The following ASPRV1 variants were observed in gnomAD, a reference collection of about 807,000 sequenced individuals.
The protein encoded by ASPRV1 is retroviral-like aspartic protease 1.
ASPRV1 carries 7 observed loss-of-function variants against 11.0 expected under a neutral mutation model. The observed-to-expected ratio is 0.64, with a 90% CI of 0.36 to 1.20. ASPRV1 has a LOEUF of 1.20. ASPRV1 is among the 50% of genes most tolerant of loss of function. ASPRV1 has a pLI of 0.02. For synonymous variants in ASPRV1, 136 were observed against 138.4 expected (o/e 0.98, Z 0.12); for missense variants, 299 against 320.0 (o/e 0.93, Z 0.50).
At chr2:70,060,602 C>A in the ASPRV1 span, among the ~76,000 whole-genome samples, 1 of 152,036 alleles carries the variant, frequency 6.6e-6, no homozygotes, top group Non-Finnish European at 1.5e-5. Context: ...CACCTGAGGT[C>A]AGGAGTTTGA....
the ASPRV1 span, among the ~76,000 whole-genome samples, chr2:70,028,933 C>T: frequency 6.6e-6 from 1 of 150,912 alleles, no homozygotes; most frequent in Non-Finnish European, 1.5e-5. Context: ...CAGAGAGACT[C>T]CGTCTCCAAA....
At chr2:70,052,543 C>A in the ASPRV1 span, among the ~76,000 whole-genome samples, 4 of 152,208 alleles carry the variant, frequency 2.6e-5, no homozygotes, top group African/African-American at 4.8e-5. Flanking sequence ...TATCTGTTCA[C>A]GCACCCATTC....
At chr2:70,038,368 C>T in the ASPRV1 span, among the ~76,000 whole-genome samples, 37 of 152,038 alleles carry the variant, frequency 2.4e-4, 1 homozygote, top group Admixed American at 2.0e-3. Flanking sequence ...GGGCAACATA[C>T]CAAGTTCAAG....
At chr2:70,034,764 T>TCCA in the ASPRV1 span, 3 of 152,140 alleles carry the variant, frequency 2.0e-5, no homozygotes, top group South Asian at 6.2e-4. Context: ...AGGAGCTTCT[T>TCCA]CCAAAGCACT....
At chr2:69,978,184 G>C in the ASPRV1 span, among the ~76,000 whole-genome samples, 1 of 152,202 alleles carries the variant, frequency 6.6e-6, no homozygotes, top group Non-Finnish European at 1.5e-5. Flanking sequence ...CCAGCATTCT[G>C]AGAAATGCTT....
At chr2:70,000,113 T>C in the ASPRV1 span, among the ~76,000 whole-genome samples, 4 of 152,198 alleles carry the variant, frequency 2.6e-5, no homozygotes, top group Non-Finnish European at 5.9e-5. Context: ...CTTGATTACA[T>C]GGATATTTTA....
chr2:69,981,171 A>C, the ASPRV1 span, among the ~76,000 whole-genome samples: 1 of 152,260 alleles, frequency 6.6e-6, no homozygotes, highest in African/African-American at 2.4e-5. Flanking sequence ...TCAGAGAAAT[A>C]GATGGACATC....
the ASPRV1 span, among the ~76,000 whole-genome samples, chr2:70,072,895 C>G: frequency 1.0e-5 from 1 of 98,292 alleles, no homozygotes. Flanking sequence ...CTATAAAAAA[C>G]TAAAAAAAAA....
chr2:69,972,638 G>A, the ASPRV1 span, among the ~76,000 whole-genome samples: 9 of 152,234 alleles, frequency 5.9e-5, no homozygotes, highest in Non-Finnish European at 8.8e-5. Context: ...GATTACAGGC[G>A]TGAGCCATTC....
the ASPRV1 span, among the ~76,000 whole-genome samples, chr2:70,004,758 G>A: frequency 6.6e-6 from 1 of 152,042 alleles, no homozygotes; most frequent in African/African-American, 2.4e-5. Flanking sequence ...CCTCACCTAA[G>A]CCTCAGCATT....
At chr2:70,077,312 C>T in the ASPRV1 span, 1 of 152,176 alleles carries the variant, frequency 6.6e-6, no homozygotes, top group Non-Finnish European at 1.5e-5. Context: ...TAGCTACCAC[C>T]TCACTGAGTA....
At chr2:70,074,097 G>GC in the ASPRV1 span, among the ~76,000 whole-genome samples, 1 of 113,832 alleles carries the variant, frequency 8.8e-6, no homozygotes, top group Non-Finnish European at 1.6e-5. Flanking sequence ...TCTCGCCACT[G>GC]CACTCCAGCC....
At chr2:69,937,232 C>T in the ASPRV1 span, 1 of 1,612,672 alleles carries the variant, frequency 6.2e-7, no homozygotes, top group South Asian at 1.1e-5. Context: ...CTTTGACTTG[C>T]AGAAACTTGA....
chr2:69,981,599 C>T, the ASPRV1 span, among the ~76,000 whole-genome samples: 4 of 152,202 alleles, frequency 2.6e-5, no homozygotes, highest in Non-Finnish European at 5.9e-5. Context: ...CTCTGTTACC[C>T]AGGCTGGAGT....
the ASPRV1 span, chr2:69,993,302 T>C: frequency 6.6e-6 from 1 of 152,334 alleles, no homozygotes; most frequent in African/African-American, 2.4e-5. Flanking sequence ...ACTTAGGCCA[T>C]CCCACCAGGC....
At chr2:69,992,782 G>C in the ASPRV1 span, among the ~76,000 whole-genome samples, 1 of 152,244 alleles carries the variant, frequency 6.6e-6, no homozygotes, top group African/African-American at 2.4e-5. Flanking sequence ...CCCCCTTTGG[G>C]AGAAATGGTT....
the ASPRV1 span, chr2:70,014,652 T>A: frequency 6.6e-6 from 1 of 151,806 alleles, no homozygotes; most frequent in Non-Finnish European, 1.5e-5. Context: ...AATAAAAAAT[T>A]AGCCAGATGT....
At chr2:70,046,113 C>T in the ASPRV1 span, 1 of 152,230 alleles carries the variant, frequency 6.6e-6, no homozygotes. Context: ...ACAACAGGTC[C>T]AGAATAGAAC....
chr2:69,939,339 A>G, the ASPRV1 span: 1 of 152,552 alleles, frequency 6.6e-6, no homozygotes, highest in Non-Finnish European at 1.5e-5. Context: ...CTTATTGATT[A>G]TTTTTGGACA....
Sources: allele counts gnomAD v4.1 joint callset (sites outside exome capture counted in the v4.1 genomes callset), GRCh38; gene constraint gnomAD v4.1.1; transcripts MANE v1.5; gene names NCBI Gene and HGNC (gene_info 2026-07-23, HGNC 2026-07-21).